Variants in NLGN1 observed in about 807,000 individuals in gnomAD.
NLGN1 encodes the protein neuroligin 1.
Under a neutral mutation model 65.5 loss-of-function variants are expected in NLGN1, and 12 were observed. That is an observed-to-expected ratio of 0.18 (90% CI 0.12 to 0.30). NLGN1 has a LOEUF of 0.30. NLGN1 is among the 10% of genes least tolerant of loss of function. The probability of loss-of-function intolerance (pLI) is 1.00; values close to 1 mark genes in which losing one functional copy is unlikely to be tolerated. For missense variants in NLGN1, 750 were observed against 1,007.1 expected, an observed-to-expected ratio of 0.74 and a Z score of 3.46; for synonymous variants, 350 against 359.5, an observed-to-expected ratio of 0.97 and a Z score of 0.30.
At chr3:174,033,810 C>T (rs2152477807) in intron 4 of NLGN1, among the ~76,000 whole-genome samples, 1 of 151,230 alleles carries the variant, frequency 6.6e-6, no homozygotes, top group Middle Eastern at 3.4e-3. Flanking sequence ...AATTATATGA[C>T]AATTTTTAAA....
At chr3:174,088,757 A>AAAATAAATAAATAAAT (rs71162375) in intron 4 of NLGN1, among the ~76,000 whole-genome samples, 3 of 141,238 alleles carry the variant, frequency 2.1e-5, no homozygotes, top group Non-Finnish European at 4.6e-5. Context: ...CATCTCAATA[A>AAAATAAATAAATAAAT]AAATAAATAA....
At chr3:173,810,143 G>A (rs1477291628) in intron 4 of NLGN1, among the ~76,000 whole-genome samples, 1 of 152,012 alleles carries the variant, frequency 6.6e-6, no homozygotes, top group Non-Finnish European at 1.5e-5. Flanking sequence ...ATATGTGTTG[G>A]GTATTGTGAA....
At chr3:173,482,303 G>A (rs1445496193) in intron 2 of NLGN1, among the ~76,000 whole-genome samples, 3 of 151,716 alleles carry the variant, frequency 2.0e-5, no homozygotes, top group Non-Finnish European at 4.4e-5. Flanking sequence ...GTGAGAGGAG[G>A]ACGTCAACAT....
At chr3:173,681,145 A>G (rs1301226234) in intron 3 of NLGN1, among the ~76,000 whole-genome samples, 1 of 152,216 alleles carries the variant, frequency 6.6e-6, no homozygotes, top group African/African-American at 2.4e-5. Context: ...CTTCAAAAGA[A>G]ATGCAGCATT....
rs146517631 is a variant in NLGN1 at position 173,437,495 on chromosome 3, C to T, written c.-321+2417C>T. 9.1e-4 allele frequency among the ~76,000 whole-genome samples: 138 copies of T among 152,256 alleles called. 1 individual carries two copies. Among genetic ancestry groups the T allele is most frequent in the African/African-American group, 3.2e-3 (133 of 41,542 alleles). On this transcript the variant is annotated intron_variant, in intron 2 of 6. Coordinates refer to ENST00000457714, the Ensembl canonical transcript of NLGN1. ...CAGCACTCCTGTGTGCAGCCCCTTG[C>T]TCCTCCTGCTTTTGAACGTTGATGG...
At chr3:173,447,619 G>T (rs950668822) in intron 2 of NLGN1, among the ~76,000 whole-genome samples, 3 of 152,224 alleles carry the variant, frequency 2.0e-5, no homozygotes, top group African/African-American at 7.2e-5. Flanking sequence ...AGCTTGATGG[G>T]GATGGCATTG....
intron 1 of NLGN1, among the ~76,000 whole-genome samples, chr3:173,407,061 CCT>C (rs1483240850): frequency 6.6e-6 from 1 of 151,978 alleles, no homozygotes; most frequent in Non-Finnish European, 1.5e-5. Flanking sequence ...GTCACTTTGT[CCT>C]TAAGAAAAAT....
At chr3:173,513,768 G>A (rs1013175189) in intron 2 of NLGN1, among the ~76,000 whole-genome samples, 5 of 152,154 alleles carry the variant, frequency 3.3e-5, no homozygotes, top group African/African-American at 1.2e-4. Context: ...GCTCACACCT[G>A]TAATCCCAGC....
chr3:173,471,037 T>G (rs1725234279), intron 2 of NLGN1, among the ~76,000 whole-genome samples: 1 of 152,038 alleles, frequency 6.6e-6, no homozygotes, highest in Admixed American at 6.6e-5. Flanking sequence ...CTAATTATCT[T>G]TCTAGGAAAT....
At chr3:173,608,935 G>A (rs142674668) in intron 3 of NLGN1, among the ~76,000 whole-genome samples, 143 of 151,904 alleles carry the variant, frequency 9.4e-4, no homozygotes, top group Non-Finnish European at 1.8e-3. Context: ...TTACTTTTGC[G>A]CCAATCTAAT....
chr3:174,065,813 C>A (rs1276861648), intron 4 of NLGN1, among the ~76,000 whole-genome samples: 1 of 152,094 alleles, frequency 6.6e-6, no homozygotes, highest in Non-Finnish European at 1.5e-5. Flanking sequence ...CATGTTGTAA[C>A]CTTCCCTATG....
intron 2 of NLGN1, among the ~76,000 whole-genome samples, chr3:173,600,136 A>G (rs1267651084): frequency 6.6e-6 from 1 of 151,650 alleles, no homozygotes. Context: ...ATAACCTATA[A>G]TCTATGTGAG....
intron 4 of NLGN1, among the ~76,000 whole-genome samples, chr3:174,050,078 A>G (rs1280018380): frequency 6.6e-6 from 1 of 152,178 alleles, no homozygotes; most frequent in Non-Finnish European, 1.5e-5. Context: ...ACATTTATTA[A>G]AAAGTTATAA....
At chr3:173,513,754 T>C (rs1384953939) in intron 2 of NLGN1, among the ~76,000 whole-genome samples, 1 of 151,758 alleles carries the variant, frequency 6.6e-6, no homozygotes, top group East Asian at 1.9e-4. Flanking sequence ...TGGCTGGGCA[T>C]GTGGCTCACA....
At chr3:173,580,761 T>C (rs1288092468) in intron 2 of NLGN1, among the ~76,000 whole-genome samples, 1 of 152,042 alleles carries the variant, frequency 6.6e-6, no homozygotes, top group African/African-American at 2.4e-5. Context: ...TTAAACATAC[T>C]GAAAAATGAA....
intron 3 of NLGN1, among the ~76,000 whole-genome samples, chr3:173,652,787 A>G (rs1759412682): frequency 6.6e-6 from 1 of 152,136 alleles, no homozygotes; most frequent in South Asian, 2.1e-4. Flanking sequence ...GAAACATGAC[A>G]TTGATATTTT....
At chr3:173,940,173 C>G (rs943553062) in intron 4 of NLGN1, among the ~76,000 whole-genome samples, 1 of 143,542 alleles carries the variant, frequency 7.0e-6, no homozygotes, top group African/African-American at 2.6e-5. Flanking sequence ...ACTGCAACCT[C>G]CGCCTCCTGG....
intron 4 of NLGN1, among the ~76,000 whole-genome samples, chr3:174,166,028 G>A (rs13433810): frequency 0.15 from 23,422 of 151,906 alleles, 3,547 homozygotes; most frequent in African/African-American, 0.4. Flanking sequence ...ATTTCTGTGA[G>A]ATTGGTTATA....
At chr3:173,966,122 G>T (rs116340152) in intron 4 of NLGN1, among the ~76,000 whole-genome samples, 1 of 152,042 alleles carries the variant, frequency 6.6e-6, no homozygotes, top group Non-Finnish European at 1.5e-5. Context: ...TATTATTTCC[G>T]TAATAATTTG....
Sources: gnomAD v4.1 joint callset for allele counts (sites outside exome capture counted in the v4.1 genomes callset) on GRCh38, gnomAD v4.1.1 for gene constraint, MANE v1.5 for transcripts, NCBI Gene and HGNC (gene_info 2026-07-23, HGNC 2026-07-21) for gene names.